SORCS1: variants seen among roughly 807,000 people sequenced by gnomAD.
The protein encoded by SORCS1 is sortilin related VPS10 domain containing receptor 1.
Under a neutral mutation model 146.1 loss-of-function variants are expected in SORCS1, and 60 were observed. That is an observed-to-expected ratio of 0.41 (90% CI 0.33 to 0.51). The LOEUF (loss-of-function observed/expected upper bound fraction) is 0.51, where lower values mean the gene tolerates loss of function less well. SORCS1 is among the 20% of genes least tolerant of loss of function. The probability of loss-of-function intolerance (pLI) is 0.21; values close to 1 mark genes in which losing one functional copy is unlikely to be tolerated. For missense variants in SORCS1, 1,352 were observed against 1,487.6 expected (o/e 0.91, Z 1.50); for synonymous variants, 637 against 584.0 (o/e 1.09, Z -1.31).
At chr10:107,052,997 A>T (rs1482268894) in intron 1 of SORCS1, among the ~76,000 whole-genome samples, 1 of 152,192 alleles carries the variant, frequency 6.6e-6, no homozygotes, top group East Asian at 1.9e-4. Flanking sequence ...TAATCCACAC[A>T]AATCAAATAT....
At position 107,154,014 on chromosome 10, in the gene SORCS1, T is replaced by C. The variant is rs1258510412; in HGVS notation, c.558+9955A>G. On this transcript the variant is annotated intron_variant, in intron 1 of 25. Transcript: ENST00000263054. ...AGTATATTTCTTTTCTTTTCTTTTT[T>C]TTTTTTTTTTTTTTTGAGATGGAGT... is the stretch of plus-strand genomic sequence containing the variant. Among the ~76,000 whole-genome samples the C allele has an allele frequency of 3.4e-3, 484 of 140,548 alleles. 1 individual carries two copies. Among genetic ancestry groups the C allele is most frequent in the Middle Eastern group, 0.011 (3 of 284 alleles). The allele number at this position is 140,548 out of a possible 152,430, so 92.2% of individuals were successfully genotyped here. A position where few individuals can be genotyped will look rare whatever the true frequency, so the allele number is the denominator to read the frequency against.
intron 1 of SORCS1, among the ~76,000 whole-genome samples, chr10:107,086,329 G>T (rs1392760358): frequency 1.3e-5 from 2 of 152,128 alleles, no homozygotes; most frequent in Non-Finnish European, 2.9e-5. Context: ...GGATTATTTT[G>T]GGAGGTTGGG....
intron 1 of SORCS1, among the ~76,000 whole-genome samples, chr10:106,975,273 C>T (rs1955944668): frequency 6.6e-6 from 1 of 152,204 alleles, no homozygotes; most frequent in African/African-American, 2.4e-5. Context: ...ACTTTGCCAA[C>T]ATTTTGCTGA....
At chr10:107,150,764 G>C (rs1968722256) in intron 1 of SORCS1, among the ~76,000 whole-genome samples, 1 of 152,154 alleles carries the variant, frequency 6.6e-6, no homozygotes, top group African/African-American at 2.4e-5. Flanking sequence ...GAGAACTGAT[G>C]GTTTTACAAG....
intron 2 of SORCS1, among the ~76,000 whole-genome samples, chr10:106,891,648 A>T (rs1951242471): frequency 6.6e-6 from 1 of 152,046 alleles, no homozygotes; most frequent in Admixed American, 6.6e-5. Flanking sequence ...TACAGGCATG[A>T]ACCACGGCAC....
intron 1 of SORCS1, among the ~76,000 whole-genome samples, chr10:107,112,001 T>A (rs1425103465): frequency 6.6e-6 from 1 of 152,140 alleles, no homozygotes; most frequent in Non-Finnish European, 1.5e-5. Flanking sequence ...TTCTTTCAAT[T>A]TGAAAGAAAA....
At chr10:106,675,624 A>G (rs1257967564) in intron 13 of SORCS1, among the ~76,000 whole-genome samples, 1 of 152,152 alleles carries the variant, frequency 6.6e-6, no homozygotes, top group East Asian at 1.9e-4. Flanking sequence ...GGTTGACCTT[A>G]CTGAATGAAT....
chr10:107,169,124 T>C (rs1182594469), upstream of SORCS1, among the ~76,000 whole-genome samples: 2 of 152,200 alleles, frequency 1.3e-5, no homozygotes, highest in African/African-American at 4.8e-5. Flanking sequence ...CTTCCCTTTT[T>C]CCTAAGTCTC....
chr10:107,003,614 C>T (rs1033025367), intron 1 of SORCS1, among the ~76,000 whole-genome samples: 1 of 152,118 alleles, frequency 6.6e-6, no homozygotes, highest in Non-Finnish European at 1.5e-5. Context: ...CATAAAAATG[C>T]ACCATCATGT....
chr10:107,108,135 T>C (rs1382157228), intron 1 of SORCS1, among the ~76,000 whole-genome samples: 1 of 152,162 alleles, frequency 6.6e-6, no homozygotes, highest in Non-Finnish European at 1.5e-5. Context: ...CAATCCTACA[T>C]GCCCAGGCAT....
chr10:106,835,494 C>T (rs1432312363), intron 2 of SORCS1, among the ~76,000 whole-genome samples: 1 of 152,072 alleles, frequency 6.6e-6, no homozygotes, highest in Non-Finnish European at 1.5e-5. Context: ...AGTTAGGTTG[C>T]TTAGAAGAAA....
At chr10:107,004,487 G>GA (rs1957358179) in intron 1 of SORCS1, among the ~76,000 whole-genome samples, 1 of 152,100 alleles carries the variant, frequency 6.6e-6, no homozygotes, top group African/African-American at 2.4e-5. Context: ...TTGTGCAGGG[G>GA]AACTCCCATT....
intron 1 of SORCS1, among the ~76,000 whole-genome samples, chr10:107,111,157 G>A (rs567286095): frequency 2.6e-5 from 4 of 152,236 alleles, no homozygotes; most frequent in Admixed American, 6.5e-5. Context: ...AGGCTACAGC[G>A]ATAACAACAA....
chr10:107,098,325 T>C (rs757940437), intron 1 of SORCS1, among the ~76,000 whole-genome samples: 1 of 152,250 alleles, frequency 6.6e-6, no homozygotes, highest in Non-Finnish European at 1.5e-5. Flanking sequence ...CATCACTTAG[T>C]AGACAATAAG....
intron 1 of SORCS1, among the ~76,000 whole-genome samples, chr10:106,989,052 A>G (rs968674637): frequency 6.6e-6 from 1 of 150,920 alleles, no homozygotes; most frequent in Non-Finnish European, 1.5e-5. Flanking sequence ...CAAGGTCAGG[A>G]GTTTGAGACC....
At chr10:107,042,593 C>T (rs1959176718) in intron 1 of SORCS1, among the ~76,000 whole-genome samples, 1 of 149,086 alleles carries the variant, frequency 6.7e-6, no homozygotes, top group South Asian at 2.1e-4. Context: ...CCTGATTTTA[C>T]CAGCGGGGAA....
intron 1 of SORCS1, among the ~76,000 whole-genome samples, chr10:106,962,194 G>C (rs182425547): frequency 3.7e-4 from 56 of 152,090 alleles, no homozygotes; most frequent in Non-Finnish European, 8.2e-4. Flanking sequence ...GAGGTCGGGA[G>C]TTCAAGACCA....
intron 1 of SORCS1, among the ~76,000 whole-genome samples, chr10:107,020,290 A>G (rs1233109986): frequency 2.0e-5 from 3 of 152,228 alleles, no homozygotes; most frequent in Non-Finnish European, 4.4e-5. Flanking sequence ...AATAGACTGC[A>G]GTACAGAATC....
At chr10:106,934,400 G>C (rs1953588907) in intron 2 of SORCS1, among the ~76,000 whole-genome samples, 2 of 149,318 alleles carry the variant, frequency 1.3e-5, no homozygotes, top group Non-Finnish European at 2.9e-5. Flanking sequence ...TGGGACTACA[G>C]GCGCCACCAC....
Sources: allele counts gnomAD v4.1 joint callset (sites outside exome capture counted in the v4.1 genomes callset), GRCh38; gene constraint gnomAD v4.1.1; transcripts MANE v1.5; gene names NCBI Gene and HGNC (gene_info 2026-07-23, HGNC 2026-07-21).